Variants in TBC1D24 observed in about 807,000 individuals in gnomAD.
TBC1D24 encodes Infantile myoclonic epilepsy.
TBC1D24 carries 47 observed loss-of-function variants against 50.7 expected under a neutral mutation model. The observed-to-expected ratio is 0.93, with a 90% CI of 0.73 to 1.18. The LOEUF (loss-of-function observed/expected upper bound fraction) is 1.18, where lower values mean the gene tolerates loss of function less well. TBC1D24 is among the 50% of genes most tolerant of loss of function. The probability of loss-of-function intolerance (pLI) is 0.00; values close to 1 mark genes in which losing one functional copy is unlikely to be tolerated. For missense variants in TBC1D24, 688 were observed against 766.5 expected (o/e 0.90, Z 1.21); for synonymous variants, 324 against 335.2 (o/e 0.97, Z 0.36).
At position 2,499,267 on chromosome 16, in the gene TBC1D24, C is replaced by T. The variant is rs529233176; in HGVS notation, c.1143-90C>T. 3.4e-5 allele frequency: 41 copies of T among 1,204,154 alleles called. No homozygotes were observed. Among genetic ancestry groups the T allele is most frequent in the South Asian group, 1.2e-4 (9 of 77,764 alleles). 74.6% of individuals were successfully genotyped at this position (1,204,154 alleles called of 1,614,324 possible). A position where few individuals can be genotyped will look rare whatever the true frequency, so the allele number is the denominator to read the frequency against. ...GAAGGAAGCACAGTTCCCAGGTCTTCGCCCCAAGACAGCTGGGGCCAGCGG... is the reference window on the plus strand; with the variant it reads ...GAAGGAAGCACAGTTCCCAGGTCTTTGCCCCAAGACAGCTGGGGCCAGCGG... On this transcript the variant is annotated intron_variant, in intron 4 of 7. Coordinates refer to ENST00000646147, the MANE Select transcript of TBC1D24 (RefSeq NM_001199107.2). The surrounding 1 kb of genome is among the most constrained non-coding windows in gnomAD (Gnocchi z 4.0).
At chr16:2,492,645 C>A (rs997965952) in intron 1 of TBC1D24, among the ~76,000 whole-genome samples, 2 of 152,142 alleles carry the variant, frequency 1.3e-5, no homozygotes, top group Non-Finnish European at 1.5e-5. Flanking sequence ...CGTGGCTGTG[C>A]GCATGTGAGT....
rs73490287 is a variant in TBC1D24, at chr16:2,499,351, C to G, written c.1143-6C>G. 6.2e-7 allele frequency: 1 copy of G among 1,612,286 alleles called. No homozygotes were observed. The highest frequency in any genetic ancestry group is 1.1e-5 in the South Asian group (1 of 90,708). On this transcript the variant is annotated splice_polypyrimidine_tract_variant and splice_region_variant and intron_variant, in intron 4 of 7. Coordinates refer to ENST00000646147, the MANE Select transcript of TBC1D24 (RefSeq NM_001199107.2). This position sits in a 1 kb window ranked among gnomAD's most constrained non-coding sequence, Gnocchi z 4.0. ...GTGACAGCTGGCATGCGTGTCTCTA[C>G]GCCAGGTTCTACTTCCAGTGTGAAG...
rs1342324973 is a variant in TBC1D24, at chr16:2,504,023, T to G, written c.*3065T>G. 1 of 152,214 alleles carries G rather than the reference T, an allele frequency of 6.6e-6. No individual in the cohort carries two copies. The highest frequency in any genetic ancestry group is 1.5e-5 in the Non-Finnish European group (1 of 68,030). The allele number at this position is 152,214 out of a possible 1,614,324, so 9.4% of individuals were successfully genotyped here. On this transcript the variant is annotated 3_prime_UTR_variant, in exon 8 of 8. Coordinates refer to ENST00000646147, the MANE Select transcript of TBC1D24 (RefSeq NM_001199107.2). ...AGAAAATCAGTTTAAGCAAAAGAACTTATGAGAGTAAGTCATTTGTACTTG... is the reference window on the plus strand; with the variant it reads ...AGAAAATCAGTTTAAGCAAAAGAACGTATGAGAGTAAGTCATTTGTACTTG...
Position 2,499,739 on chromosome 16 carries a change from C to A in TBC1D24, c.1207-96C>A. ...GGTGGGAGACGGCAATGCCTGCACC[C>A]CCACCTGTGACCTGGGACAGGCCCG... is the stretch of plus-strand genomic sequence containing the variant. On this transcript the variant is annotated intron_variant, in intron 5 of 7. Transcript: ENST00000646147. This position sits in a 1 kb window ranked among gnomAD's most constrained non-coding sequence, Gnocchi z 4.0. 1.8e-6 allele frequency: 2 copies of A among 1,111,388 alleles called. No homozygotes were observed. The highest frequency in any genetic ancestry group is 2.8e-6 in the Non-Finnish European group (2 of 721,968). The allele number at this position is 1,111,388 out of a possible 1,614,324, so 68.8% of individuals were successfully genotyped here.
rs201220026 is a variant in TBC1D24, at chr16:2,496,373, C to T, written c.225C>T (p.Ser75=). The T allele has an allele frequency of 2.1e-5, 34 of 1,613,232 alleles. No homozygotes were observed. Among genetic ancestry groups the T allele is most frequent in the African/African-American group, 8.0e-5 (6 of 74,932 alleles). ...TCACGCCTGACGCCAGCGTGTACAG[C>T]GACATCGTGGGCAAGATCGTGGGCA... The part of the protein sequence containing the change: ...RTVTPDASVY[S]DIVGKIVGKH... The change falls in exon 2 of 8, where the codon AGC becomes AGT. Residue 75 remains serine, a synonymous_variant. Coordinates refer to ENST00000646147, the MANE Select transcript of TBC1D24 (RefSeq NM_001199107.2).
chr16:2,495,330 A>G (rs1383487098), intron 1 of TBC1D24, among the ~76,000 whole-genome samples: 1 of 152,206 alleles, frequency 6.6e-6, no homozygotes, highest in African/African-American at 2.4e-5. Flanking sequence ...CCTGGATGTC[A>G]GCACAAGACC....
Position 2,500,338 on chromosome 16 carries a change from T to G in TBC1D24, c.1373T>G (p.Leu458Trp), listed in dbSNP as rs2141877116. The G allele has an allele frequency of 6.2e-7, 1 of 1,611,238 alleles. No individual in the cohort carries two copies. Among genetic ancestry groups the G allele is most frequent in the East Asian group, 2.2e-5 (1 of 44,814 alleles). The change falls in exon 7 of 8, where the codon TTG becomes TGG. Residue 458 changes from leucine to tryptophan, a missense_variant. Coordinates refer to ENST00000646147, the MANE Select transcript of TBC1D24 (RefSeq NM_001199107.2). This position sits in a 1 kb window ranked among gnomAD's most constrained non-coding sequence, Gnocchi z 8.0. ...KHPELTKPPPLMAAEPTAPLS... is the reference protein window; with the variant it reads ...KHPELTKPPPWMAAEPTAPLS... ...CCCGAGCTGACCAAGCCCCCACCCT[T>G]GATGGCTGCCGAGCCCACCGCCCCA...
chr16:2,498,276 G>A lies in TBC1D24; in HGVS notation c.1022G>A (p.Arg341His), dbSNP rs754727069. Residue 341 changes from arginine (R) to histidine (H), a missense_variant, in exon 4 of 8, where the codon CGC becomes CAC. Arg to His is a conservative substitution (Grantham distance 29). Coordinates refer to ENST00000646147, the MANE Select transcript of TBC1D24 (RefSeq NM_001199107.2). ...VHLAVHAENF[R>H]SEIVSVREMR... ...TTGGCCGTCCATGCAGAGAACTTCC[G>A]CTCGGAGATCGTCAGCGTGAGGGAG... 18 of 1,611,620 alleles carry A rather than the reference G, an allele frequency of 1.1e-5. No individual in the cohort carries two copies. In the Admixed American group the frequency reaches 1.7e-4, roughly 15 times the overall value.
rs1240556106 is a variant in TBC1D24 at position 2,496,294 on chromosome 16, C to T, written c.146C>T (p.Ala49Val). 6.2e-7 allele frequency: 1 copy of T among 1,613,760 alleles called. No individual in the cohort carries two copies. The change falls in exon 2 of 8, where the codon GCC (alanine) becomes GTC (valine). Residue 49 changes from alanine to valine, a missense_variant. Physicochemically the swap from Ala to Val is moderately conservative, Grantham distance 64. Transcript: ENST00000646147. ...ARQGYWAQSHALRGKVYQRLI... is the reference protein window; with the variant it reads ...ARQGYWAQSHVLRGKVYQRLI... The stretch of plus-strand genomic sequence containing the variant: ...CAGGGCTACTGGGCCCAAAGCCACG[C>T]CCTGCGGGGAAAGGTGTACCAGCGC...
In TBC1D24 at chr16:2,503,087, G is replaced by C. The variant is rs1376342342; in HGVS notation, c.*2129G>C. On this transcript the variant is annotated 3_prime_UTR_variant, in exon 8 of 8. Coordinates refer to ENST00000646147, the MANE Select transcript of TBC1D24 (RefSeq NM_001199107.2). ...CTGCAAACTTCCTGAACTGGGTGGT[G>C]ATTTTTCTGGCGAGTTAAGTCCAGC... 1 of 152,250 alleles carries C rather than the reference G, an allele frequency of 6.6e-6. No individual in the cohort carries two copies. Among genetic ancestry groups the C allele is most frequent in the Non-Finnish European group, 1.5e-5 (1 of 68,050 alleles). 9.4% of individuals were successfully genotyped at this position (152,250 alleles called of 1,614,324 possible). A position where few individuals can be genotyped will look rare whatever the true frequency, so the allele number is the denominator to read the frequency against.
intron 2 of TBC1D24, among the ~76,000 whole-genome samples, chr16:2,497,486 G>A (rs565076084): frequency 1.3e-5 from 2 of 152,340 alleles, no homozygotes; most frequent in African/African-American, 2.4e-5. Flanking sequence ...TGGCCTCCCC[G>A]CCTGGAGCAC....
chr16:2,483,417 G>A lies in TBC1D24; in HGVS notation c.-116+8247G>A, dbSNP rs73490268. 0.019 allele frequency: 2,969 copies of A among 152,534 alleles called. 104 individuals are homozygous for A. Among genetic ancestry groups the A allele is most frequent in the African/African-American group, 0.067 (2,791 of 41,538 alleles). The allele number at this position is 152,534 out of a possible 1,614,324, so 9.4% of individuals were successfully genotyped here. A position where few individuals can be genotyped will look rare whatever the true frequency, so the allele number is the denominator to read the frequency against. On this transcript the variant is annotated intron_variant, in intron 1 of 7. Coordinates refer to ENST00000646147, the MANE Select transcript of TBC1D24 (RefSeq NM_001199107.2). The surrounding 1 kb of genome is among the most constrained non-coding windows in gnomAD (Gnocchi z 4.0). ...GGCGGGAGTTGGGGCTTGGCAAGAC[G>A]GTCCAGGCTGAGCTGGCAAGAGAGA... is the stretch of plus-strand genomic sequence containing the variant.
chr16:2,500,453 C>A lies in TBC1D24; in HGVS notation c.1488C>A (p.Ser496=). ...RHFNLPSKTE[S]MFMAGGSDCL... ...TCAACCTGCCCTCCAAGACCGAGTC[C>A]ATGTTCATGGCGGGGGGCAGCGACT... The change falls in exon 7 of 8, where the codon TCC becomes TCA. Residue 496 remains serine (S), a synonymous_variant. Coordinates refer to ENST00000646147, the MANE Select transcript of TBC1D24 (RefSeq NM_001199107.2). This position sits in a 1 kb window ranked among gnomAD's most constrained non-coding sequence, Gnocchi z 8.0. The A allele has an allele frequency of 2.5e-6, 4 of 1,596,870 alleles. No individual in the cohort carries two copies. The highest frequency in any genetic ancestry group is 3.4e-6 in the Non-Finnish European group (4 of 1,172,468).
At chr16:2,497,587 T>G (rs1345296949) in intron 2 of TBC1D24, 123 bp from the exon 3 acceptor site, 3 of 953,720 alleles carry the variant, frequency 3.1e-6, no homozygotes, top group Admixed American at 2.0e-5. Context: ...TGCGGCCTGT[T>G]GGCGTGCAGC....
chr16:2,500,385 G>C lies in TBC1D24; in HGVS notation c.1420G>C (p.Asp474His). The C allele has an allele frequency of 1.2e-6, 2 of 1,604,578 alleles. No homozygotes were observed. The highest frequency in any genetic ancestry group is 1.1e-5 in the South Asian group (1 of 89,294). Residue 474 changes from aspartate to histidine, a missense_variant, in exon 7 of 8, where the codon GAC becomes CAC. By Grantham distance (81) the Asp-to-His change is moderately conservative (BLOSUM62 -1). Transcript: ENST00000646147. The surrounding 1 kb of genome is among the most constrained non-coding windows in gnomAD (Gnocchi z 8.0). ...CCCACTCAGCCACTCCGCCTCCTCA[G>C]ACCCCGCTGACCGCCTCTCGCCCTT... ...TAPLSHSASS[D>H]PADRLSPFLA... is the part of the protein sequence containing the mutation.
chr16:2,478,224 G>A (rs889181602), intron 1 of TBC1D24: 2 of 152,352 alleles, frequency 1.3e-5, no homozygotes, highest in African/African-American at 4.8e-5. Context: ...GCCAAAGCGG[G>A]AGGAACACTT....
At chr16:2,497,656 CTT>C (rs745599127) in intron 2 of TBC1D24, 52 bp from the exon 3 acceptor site, 106 of 1,524,834 alleles carry the variant, frequency 7.0e-5, no homozygotes, top group African/African-American at 2.2e-4. Context: ...ACTAACCTCT[CTT>C]TGTCTGTTTT....
rs1304056597 is a variant in TBC1D24, at chr16:2,500,202, G to T, written c.1303-66G>T. ...GCAGATTCACGGGATGAAACGGGTT[G>T]TGGCTCTGGGGCAGAGGGGCCTGCG... On this transcript the variant is annotated intron_variant, in intron 6 of 7. Transcript: ENST00000646147. The surrounding 1 kb of genome is among the most constrained non-coding windows in gnomAD (Gnocchi z 8.0). The T allele has an allele frequency of 1.5e-5, 22 of 1,428,692 alleles. No individual in the cohort carries two copies. The highest frequency in any genetic ancestry group is 2.1e-5 in the Non-Finnish European group (22 of 1,037,282). 88.5% of individuals were successfully genotyped at this position (1,428,692 alleles called of 1,614,324 possible).
At position 2,500,218 on chromosome 16, in the gene TBC1D24, G is replaced by A. The variant is rs1190895000; in HGVS notation, c.1303-50G>A. ...AAACGGGTTGTGGCTCTGGGGCAGAGGGGCCTGCGAACGCCCGCGCCAGCT... is the reference window on the plus strand; with the variant it reads ...AAACGGGTTGTGGCTCTGGGGCAGAAGGGCCTGCGAACGCCCGCGCCAGCT... On this transcript the variant is annotated intron_variant, in intron 6 of 7. Transcript: ENST00000646147. This position sits in a 1 kb window ranked among gnomAD's most constrained non-coding sequence, Gnocchi z 8.0. 4 of 1,486,032 alleles carry A rather than the reference G, an allele frequency of 2.7e-6. No homozygotes were observed. The South Asian group carries it at 4.8e-5, about 18-fold the overall frequency. 92.1% of individuals were successfully genotyped at this position (1,486,032 alleles called of 1,614,324 possible). A position where few individuals can be genotyped will look rare whatever the true frequency, so the allele number is the denominator to read the frequency against.
Sources: allele counts gnomAD v4.1 joint callset (sites outside exome capture counted in the v4.1 genomes callset), GRCh38; gene constraint gnomAD v4.1.1; non-coding constraint Gnocchi (gnomAD v3.1); transcripts MANE v1.5; gene names NCBI Gene and HGNC (gene_info 2026-07-23, HGNC 2026-07-21).